Variants in LRRTM4 observed in about 807,000 individuals in gnomAD.
LRRTM4 encodes the protein leucine rich repeat transmembrane neuronal 4.
LRRTM4 carries 25 observed loss-of-function variants against 47.6 expected under a neutral mutation model. That is an observed-to-expected ratio of 0.53 (90% CI 0.38 to 0.73). The LOEUF is 0.73. Among genes scored for constraint, LRRTM4 ranks in the 30% least tolerant of loss-of-function variants. The probability of loss-of-function intolerance (pLI) is 0.00; values close to 1 mark genes in which losing one functional copy is unlikely to be tolerated. For missense variants in LRRTM4, 638 were observed against 713.4 expected, an observed-to-expected ratio of 0.89 and a Z score of 1.20; for synonymous variants, 311 against 269.5, an observed-to-expected ratio of 1.15 and a Z score of -1.51.
intron 3 of LRRTM4, among the ~76,000 whole-genome samples, chr2:77,361,632 T>C (rs1346902614): frequency 6.6e-6 from 1 of 152,188 alleles, no homozygotes; most frequent in African/African-American, 2.4e-5. Context: ...GTGAAATAAC[T>C]ATGCCTGGTA....
intron 3 of LRRTM4, among the ~76,000 whole-genome samples, chr2:76,818,488 T>G (rs1670963303): frequency 6.6e-6 from 1 of 151,746 alleles, no homozygotes; most frequent in Admixed American, 6.6e-5. Context: ...CCTCCTGGAG[T>G]GAGCAAATGC....
intron 3 of LRRTM4, among the ~76,000 whole-genome samples, chr2:77,183,166 A>C (rs1198149243): frequency 6.6e-6 from 1 of 152,136 alleles, no homozygotes; most frequent in Non-Finnish European, 1.5e-5. Flanking sequence ...AATGGGAGAA[A>C]ATTTTTGCAA....
chr2:77,482,848 C>T (rs994754465), intron 3 of LRRTM4, among the ~76,000 whole-genome samples: 2 of 151,848 alleles, frequency 1.3e-5, no homozygotes, highest in African/African-American at 2.4e-5. Context: ...ATTGGCCAGG[C>T]GTGGTGGCTC....
intron 3 of LRRTM4, among the ~76,000 whole-genome samples, chr2:77,004,256 G>T (rs970698267): frequency 6.6e-6 from 1 of 152,146 alleles, no homozygotes; most frequent in Non-Finnish European, 1.5e-5. Flanking sequence ...AAGCTCAGAC[G>T]CCTAGGAGGG....
At chr2:77,009,538 G>C (rs564110065) in intron 3 of LRRTM4, 2 of 152,076 alleles carry the variant, frequency 1.3e-5, no homozygotes, top group Non-Finnish European at 2.9e-5. Flanking sequence ...GTGCCAAAAG[G>C]TATGGTTCCT....
chr2:77,081,648 G>A (rs1347096147), intron 3 of LRRTM4, among the ~76,000 whole-genome samples: 1 of 152,086 alleles, frequency 6.6e-6, no homozygotes, highest in African/African-American at 2.4e-5. Context: ...CAAGTTTGGG[G>A]TTCTATATAT....
chr2:77,320,064 C>T (rs577054461), intron 3 of LRRTM4, among the ~76,000 whole-genome samples: 1 of 152,158 alleles, frequency 6.6e-6, no homozygotes, highest in African/African-American at 2.4e-5. Flanking sequence ...TCAGGCTTCC[C>T]GAGTCACTCT....
At chr2:76,935,178 C>T (rs990605902) in intron 3 of LRRTM4, among the ~76,000 whole-genome samples, 1 of 152,010 alleles carries the variant, frequency 6.6e-6, no homozygotes, top group African/African-American at 2.4e-5. Context: ...GACACAGTAT[C>T]CCAAACCTAA....
At chr2:77,379,691 A>G (rs904182872) in intron 3 of LRRTM4, among the ~76,000 whole-genome samples, 5 of 152,114 alleles carry the variant, frequency 3.3e-5, no homozygotes, top group African/African-American at 1.2e-4. Flanking sequence ...GATAAAGGCT[A>G]TGAATAAATT....
chr2:76,821,291 G>GA (rs959542782), intron 3 of LRRTM4, among the ~76,000 whole-genome samples: 6 of 151,636 alleles, frequency 4.0e-5, no homozygotes, highest in East Asian at 1.9e-4. Context: ...AACAACTTGA[G>GA]AAAAAAATCA....
chr2:77,091,370 C>G (rs991933830), intron 3 of LRRTM4, among the ~76,000 whole-genome samples: 1 of 141,554 alleles, frequency 7.1e-6, no homozygotes, highest in Non-Finnish European at 1.5e-5. Context: ...TATCCCATCC[C>G]GAAGCACACT....
chr2:77,257,181 G>T (rs1172028135), intron 3 of LRRTM4, among the ~76,000 whole-genome samples: 1 of 151,798 alleles, frequency 6.6e-6, no homozygotes, highest in African/African-American at 2.4e-5. Flanking sequence ...AAATCCTACC[G>T]CTAACGTCAT....
chr2:76,850,862 GAA>G (rs1184967018), intron 3 of LRRTM4, among the ~76,000 whole-genome samples: 24 of 152,196 alleles, frequency 1.6e-4, no homozygotes, highest in Non-Finnish European at 1.0e-4. Context: ...AAAAACTAGA[GAA>G]AGTTAGAAAT....
chr2:77,177,686 C>T (rs775715741), intron 3 of LRRTM4, among the ~76,000 whole-genome samples: 2 of 152,142 alleles, frequency 1.3e-5, no homozygotes, highest in Non-Finnish European at 2.9e-5. Context: ...GATTGGAATC[C>T]ACACTTTCAA....
intron 3 of LRRTM4, among the ~76,000 whole-genome samples, chr2:77,038,617 T>C (rs184483676): frequency 2.0e-5 from 3 of 151,626 alleles, no homozygotes; most frequent in Non-Finnish European, 4.4e-5. Flanking sequence ...ATTTAAACTA[T>C]GTATGGATAG....
chr2:77,346,828 A>T (rs186672562), intron 3 of LRRTM4, among the ~76,000 whole-genome samples: 4,432 of 143,528 alleles, frequency 0.031, 91 homozygotes, highest in African/African-American at 0.073. Context: ...GATTGATTTT[A>T]AAAAAAAGTT....
At chr2:76,792,386 T>C (rs930766643) in intron 3 of LRRTM4, among the ~76,000 whole-genome samples, 3 of 152,136 alleles carry the variant, frequency 2.0e-5, no homozygotes, top group Admixed American at 1.3e-4. Context: ...AGAAGGCTAA[T>C]GTTCCACTCT....
rs1162261663 is a variant in LRRTM4, at chr2:77,138,242, T to C, written c.1551+380076A>G. ...TGGAAGTAAAGCACTCCTCAGCAAA[T>C]GTAAAAGAACAGAAATTATAACAAA... is the stretch of plus-strand genomic sequence containing the variant. On this transcript the variant is annotated intron_variant, in intron 3 of 3. Transcript: ENST00000409884. Among the ~76,000 whole-genome samples the C allele has an allele frequency of 3.9e-5, 6 of 152,050 alleles. No individual in the cohort carries two copies. The East Asian group carries it at 1.2e-3, about 29-fold the overall frequency.
At chr2:76,875,376 G>A (rs1277835482) in intron 3 of LRRTM4, among the ~76,000 whole-genome samples, 2 of 152,004 alleles carry the variant, frequency 1.3e-5, no homozygotes, top group South Asian at 2.1e-4. Context: ...CTTTGTATGT[G>A]ACTCATCATA....
Sources: gnomAD v4.1 joint callset for allele counts (sites outside exome capture counted in the v4.1 genomes callset) on GRCh38, gnomAD v4.1.1 for gene constraint, MANE v1.5 for transcripts, NCBI Gene and HGNC (gene_info 2026-07-23, HGNC 2026-07-21) for gene names.